TCF7L2: variants seen among roughly 807,000 people sequenced by gnomAD.
TCF7L2 encodes the protein transcription factor 7-like 2.
TCF7L2 carries 23 observed loss-of-function variants against 77.9 expected under a neutral mutation model. That is an observed-to-expected ratio of 0.30 (90% confidence interval 0.21 to 0.42). The LOEUF is 0.42. Among genes scored for constraint, TCF7L2 ranks in the 10% least tolerant of loss-of-function variants. TCF7L2 has a pLI of 1.00. For missense variants in TCF7L2, 654 were observed against 793.1 expected (o/e 0.82, Z 2.11); for synonymous variants, 413 against 340.2 (o/e 1.21, Z -2.36).
chr10:112,989,483 A>G (rs1457746638), intron 4 of TCF7L2, among the ~76,000 whole-genome samples: 2 of 152,126 alleles, frequency 1.3e-5, no homozygotes, highest in African/African-American at 2.4e-5. Flanking sequence ...GGAAGAAAAA[A>G]AAATTGCTAG....
intron 4 of TCF7L2, among the ~76,000 whole-genome samples, chr10:113,035,546 G>A (rs931679769): frequency 8.5e-5 from 13 of 152,176 alleles, no homozygotes; most frequent in Non-Finnish European, 1.6e-4. Flanking sequence ...GAAACTCCTG[G>A]GCTCTAGCAA....
Position 113,151,202 on chromosome 10 carries a change from T to G in TCF7L2, c.1001+79T>G. On this transcript the variant is annotated intron_variant, in intron 9 of 13. Transcript: ENST00000627217. This position sits in a 1 kb window ranked among gnomAD's most constrained non-coding sequence, Gnocchi z 5.2. ...TGTTGCAGCTGCTGGGTGGTGGCTT[T>G]CTGCCTAAGGTTGGCCTCGTTTGGT... 1 of 1,599,096 alleles carries G rather than the reference T, an allele frequency of 6.3e-7. No homozygotes were observed. The highest frequency in any genetic ancestry group is 1.1e-5 in the South Asian group (1 of 88,614).
intron 4 of TCF7L2, among the ~76,000 whole-genome samples, chr10:112,985,978 C>T (rs1270152514): frequency 1.3e-5 from 2 of 152,000 alleles, no homozygotes; most frequent in Non-Finnish European, 2.9e-5. Flanking sequence ...CAAAGTCACC[C>T]AGAAGCAAAG....
intron 3 of TCF7L2, among the ~76,000 whole-genome samples, chr10:112,962,015 A>G (rs116313472): frequency 0.041 from 6,182 of 152,256 alleles, 142 homozygotes; most frequent in African/African-American, 0.056. Context: ...CAATTACAGC[A>G]TTCTCTCTAG....
At chr10:113,089,445 T>C in intron 5 of TCF7L2, 1 of 1,613,856 alleles carries the variant, frequency 6.2e-7, no homozygotes, top group Non-Finnish European at 8.5e-7. Flanking sequence ...TCAGCACTTC[T>C]ACCCCCCCTC....
intron 5 of TCF7L2, among the ~76,000 whole-genome samples, chr10:113,118,520 G>GGTGTGTGT (rs34806588): frequency 3.8e-4 from 54 of 141,522 alleles, no homozygotes; most frequent in South Asian, 1.0e-3. Flanking sequence ...TCATCTGGGG[G>GGTGTGTGT]GTGTGTGTGT....
At chr10:113,038,842 C>T (rs2051876126) in intron 4 of TCF7L2, among the ~76,000 whole-genome samples, 1 of 152,146 alleles carries the variant, frequency 6.6e-6, no homozygotes. Flanking sequence ...TAGTGCTTGT[C>T]ACAGCCTGTA....
chr10:113,057,216 G>T (rs2055540007), intron 5 of TCF7L2, among the ~76,000 whole-genome samples: 1 of 152,140 alleles, frequency 6.6e-6, no homozygotes, highest in Non-Finnish European at 1.5e-5. Flanking sequence ...TACCCATGGG[G>T]AGACAAGACA....
chr10:113,013,609 CTTT>C (rs1454043669), intron 4 of TCF7L2, among the ~76,000 whole-genome samples: 1 of 152,112 alleles, frequency 6.6e-6, no homozygotes, highest in Non-Finnish European at 1.5e-5. Flanking sequence ...GGAAGATAAG[CTTT>C]GATTAAAGAT....
intron 5 of TCF7L2, among the ~76,000 whole-genome samples, chr10:113,132,671 C>T (rs137994036): frequency 6.6e-6 from 1 of 152,236 alleles, no homozygotes; most frequent in Non-Finnish European, 1.5e-5. Context: ...CTCCTAGAAA[C>T]AGCTGTACTC....
At position 113,151,601 on chromosome 10, in the gene TCF7L2, C is replaced by A; in HGVS notation, c.1002-124C>A. ...TTCCGGGGTGCAGAAGAACTAAAAG[C>A]ATGCTTTTTAATCCAAAACTGCTAG... On this transcript the variant is annotated intron_variant, in intron 9 of 13. Transcript: ENST00000627217. The surrounding 1 kb of genome is among the most constrained non-coding windows in gnomAD (Gnocchi z 5.2). The A allele has an allele frequency of 8.0e-7, 1 of 1,257,022 alleles. No individual in the cohort carries two copies. Among genetic ancestry groups the A allele is most frequent in the Non-Finnish European group, 1.1e-6 (1 of 938,602 alleles). The allele number at this position is 1,257,022 out of a possible 1,614,324, so 77.9% of individuals were successfully genotyped here.
At chr10:113,014,892 A>T (rs1331297585) in intron 4 of TCF7L2, among the ~76,000 whole-genome samples, 1 of 152,140 alleles carries the variant, frequency 6.6e-6, no homozygotes, top group Non-Finnish European at 1.5e-5. Context: ...GGACATTAGA[A>T]ATTCTGAAGT....
intron 4 of TCF7L2, among the ~76,000 whole-genome samples, chr10:113,028,625 A>G (rs2049643126): frequency 6.6e-6 from 1 of 152,184 alleles, no homozygotes; most frequent in Admixed American, 6.5e-5. Context: ...CCTGTCTCGC[A>G]TTTGCTGTCT....
intron 4 of TCF7L2, among the ~76,000 whole-genome samples, chr10:112,985,608 T>A (rs924779700): frequency 6.6e-6 from 1 of 152,200 alleles, no homozygotes; most frequent in East Asian, 1.9e-4. Context: ...GATCCCCTTA[T>A]GTTCGGTAAA....
chr10:112,973,855 A>G (rs1322765992), intron 4 of TCF7L2, among the ~76,000 whole-genome samples: 1 of 152,050 alleles, frequency 6.6e-6, no homozygotes, highest in East Asian at 1.9e-4. Flanking sequence ...CTCCCAAAGT[A>G]CTGGGATTAT....
At chr10:113,160,202 C>A (rs778788585) in intron 12 of TCF7L2, among the ~76,000 whole-genome samples, 1 of 151,900 alleles carries the variant, frequency 6.6e-6, no homozygotes, top group South Asian at 2.1e-4. Flanking sequence ...CAGCATCACT[C>A]GTGCCTCCTC....
chr10:113,156,166 G>A (rs2071848461), intron 11 of TCF7L2, among the ~76,000 whole-genome samples: 1 of 147,928 alleles, frequency 6.8e-6, no homozygotes, highest in South Asian at 2.1e-4. Flanking sequence ...CCAGGGTGGA[G>A]TGCAGTAGCA....
intron 5 of TCF7L2, among the ~76,000 whole-genome samples, chr10:113,095,436 T>C (rs1015929896): frequency 5.3e-5 from 8 of 152,210 alleles, no homozygotes; most frequent in Non-Finnish European, 1.2e-4. Context: ...ATTTTTTTGT[T>C]GAAGTCTTTT....
At chr10:112,977,058 C>T (rs2039553465) in intron 4 of TCF7L2, among the ~76,000 whole-genome samples, 1 of 151,686 alleles carries the variant, frequency 6.6e-6, no homozygotes, top group Admixed American at 6.6e-5. Flanking sequence ...GTCATTCATT[C>T]CTGCAGGGGA....
Sources: allele counts gnomAD v4.1 joint callset (sites outside exome capture counted in the v4.1 genomes callset), GRCh38; gene constraint gnomAD v4.1.1; non-coding constraint Gnocchi (gnomAD v3.1); transcripts MANE v1.5; gene names NCBI Gene and HGNC (gene_info 2026-07-23, HGNC 2026-07-21).